Variants in STAM2 observed in about 807,000 individuals in gnomAD.
STAM2 encodes signal transducing adaptor molecule 2.
STAM2 carries 51 observed loss-of-function variants against 65.6 expected under a neutral mutation model. The ratio of observed to expected loss-of-function variants is 0.78; its 90% CI spans 0.62 to 0.98. The LOEUF (loss-of-function observed/expected upper bound fraction) is 0.98. Ranked by LOEUF, STAM2 falls within the 50% of genes least tolerant of loss-of-function variation. STAM2 has a pLI of 0.00. For synonymous variants in STAM2, 198 were observed against 208.4 expected, an observed-to-expected ratio of 0.95 and a Z score of 0.43; for missense variants, 584 against 617.8, an observed-to-expected ratio of 0.95 and a Z score of 0.58.
At chr2:152,135,140 C>G (rs1390306687) in intron 8 of STAM2, among the ~76,000 whole-genome samples, 1 of 152,208 alleles carries the variant, frequency 6.6e-6, no homozygotes, top group African/African-American at 2.4e-5. Context: ...CCACACCACT[C>G]CCGCTTTGCC....
intron 1 of STAM2, among the ~76,000 whole-genome samples, chr2:152,160,894 T>C (rs1238010732): frequency 2.0e-5 from 3 of 148,670 alleles, no homozygotes; most frequent in African/African-American, 2.5e-5. Context: ...GCCCCCCGCC[T>C]GGCCAGCCGC....
At chr2:152,143,731 T>C (rs1364235079) in intron 7 of STAM2, 96 bp downstream of exon 7, 5 of 969,930 alleles carry the variant, frequency 5.2e-6, no homozygotes, top group East Asian at 2.6e-5. Flanking sequence ...GGTTCTATTA[T>C]GATTTAAATA....
rs1249903230 is a variant in STAM2, at chr2:152,126,153, T to G, written c.1179+73A>C. 5.6e-6 allele frequency: 7 copies of G among 1,249,246 alleles called. No individual in the cohort carries two copies. In the African/African-American group the frequency reaches 1.1e-4, roughly 20 times the overall value. 77.4% of individuals were successfully genotyped at this position (1,249,246 alleles called of 1,614,324 possible). Reference sequence around the variant, plus strand: ...ACAGACAAAAGAAATCTTAATACTATGCTATAAAACATTTTCTTTTACTTT... The same window carrying G: ...ACAGACAAAAGAAATCTTAATACTAGGCTATAAAACATTTTCTTTTACTTT... On this transcript the variant is annotated intron_variant, in intron 12 of 13. Transcript: ENST00000263904.
intron 2 of STAM2, among the ~76,000 whole-genome samples, chr2:152,149,747 C>T (rs1297622631): frequency 6.6e-6 from 1 of 152,160 alleles, no homozygotes; most frequent in African/African-American, 2.4e-5. Flanking sequence ...ATCTGCTCGC[C>T]TCGGCCTCTC....
chr2:152,150,987 C>G (rs371170826), intron 1 of STAM2, among the ~76,000 whole-genome samples: 1 of 151,818 alleles, frequency 6.6e-6, no homozygotes, highest in East Asian at 1.9e-4. Flanking sequence ...GGCCACTGCA[C>G]CCAGCCTGAA....
chr2:152,145,077 G>A (rs1220847637), intron 5 of STAM2, 120 bp from the exon 6 acceptor site: 1 of 800,404 alleles, frequency 1.2e-6, no homozygotes, highest in Non-Finnish European at 2.1e-6. Context: ...ATTTAAAAGT[G>A]AAGTTCTTTT....
chr2:152,150,099 G>T, intron 2 of STAM2, 46 bp downstream of exon 2: 2 of 1,286,518 alleles, frequency 1.6e-6, no homozygotes, highest in South Asian at 2.4e-5. Flanking sequence ...AGAGACACTG[G>T]TTATCAAGTT....
intron 7 of STAM2, among the ~76,000 whole-genome samples, chr2:152,138,232 A>G (rs959405913): frequency 6.6e-6 from 1 of 152,178 alleles, no homozygotes; most frequent in African/African-American, 2.4e-5. Context: ...TATGTAAAAC[A>G]TAATATGTAA....
Position 152,121,942 on chromosome 2 carries a change from G to A in STAM2, c.1350-1140C>T, listed in dbSNP as rs189994885. On this transcript the variant is annotated intron_variant, in intron 13 of 13. Coordinates refer to ENST00000263904, the MANE Select transcript of STAM2 (RefSeq NM_005843.6). Reference sequence around the variant, plus strand: ...ACGCGCCTGTAGTCCCAGCTACTCAGGAGGCTGAGGCAAGAGAATGGCATG... The same window carrying A: ...ACGCGCCTGTAGTCCCAGCTACTCAAGAGGCTGAGGCAAGAGAATGGCATG... Among the ~76,000 whole-genome samples the A allele has an allele frequency of 1.6e-4, 25 of 152,026 alleles. No homozygotes were observed. The East Asian group carries it at 4.8e-3, about 29-fold the overall frequency.
rs764696047 is a variant in STAM2 at position 152,120,755 on chromosome 2, G to C, written c.1397C>G (p.Ser466Cys). 1 of 1,614,160 alleles carries C rather than the reference G, an allele frequency of 6.2e-7. No homozygotes were observed. Among genetic ancestry groups the C allele is most frequent in the South Asian group, 1.1e-5 (1 of 91,084 alleles). ...TGTACCAGTAGCTGACTGTAGGTTA[G>C]AGTTCTGGTTCATATAAGTAGGATT... ...VSNPTYMNQN[S>C]NLQSATGTTA... is the part of the protein sequence containing the mutation. The change falls in exon 14 of 14, where the codon TCT becomes TGT. Residue 466 changes from serine to cysteine, a missense_variant. Physicochemically the swap from Ser to Cys is moderately radical, Grantham distance 112. Coordinates refer to ENST00000263904, the MANE Select transcript of STAM2 (RefSeq NM_005843.6).
intron 11 of STAM2, 93 bp from the exon 12 acceptor site, chr2:152,126,472 T>A: frequency 2.6e-6 from 2 of 781,612 alleles, no homozygotes; most frequent in Non-Finnish European, 3.5e-6. Flanking sequence ...CAATTTCTAT[T>A]AATATATTAA....
chr2:152,171,087 A>G (rs1441514403), intron 1 of STAM2, among the ~76,000 whole-genome samples: 4 of 152,242 alleles, frequency 2.6e-5, no homozygotes, highest in African/African-American at 9.6e-5. Context: ...AATATATAGT[A>G]TATTTGTAAG....
chr2:152,152,891 G>T (rs1472306765), intron 1 of STAM2, among the ~76,000 whole-genome samples: 1 of 152,106 alleles, frequency 6.6e-6, no homozygotes, highest in African/African-American at 2.4e-5. Flanking sequence ...AAACTTGAGG[G>T]GGGCTCAAAA....
At chr2:152,146,209 T>C (rs1689334358) in intron 5 of STAM2, among the ~76,000 whole-genome samples, 1 of 144,294 alleles carries the variant, frequency 6.9e-6, no homozygotes, top group Admixed American at 7.3e-5. Context: ...AGACAGAGAT[T>C]GCAGTGAGCT....
At position 152,123,751 on chromosome 2, in the gene STAM2, G is replaced by C. The variant is rs145472941; in HGVS notation, c.1349+15C>G. Reference sequence around the variant, plus strand: ...AATTAACACATATAAAATTAACACAGCTCCCAAAACTTACCTTAAATATGA... The same window carrying C: ...AATTAACACATATAAAATTAACACACCTCCCAAAACTTACCTTAAATATGA... On this transcript the variant is annotated intron_variant, in intron 13 of 13. Transcript: ENST00000263904. The C allele has an allele frequency of 1.1e-3, 1,705 of 1,612,496 alleles. 18 individuals are homozygous for C. The African/African-American group carries it at 0.021, about 20-fold the overall frequency.
chr2:152,160,825 G>C (rs1285731685), intron 1 of STAM2, among the ~76,000 whole-genome samples: 3 of 142,826 alleles, frequency 2.1e-5, no homozygotes, highest in Non-Finnish European at 4.6e-5. Context: ...GGAAGGTGGT[G>C]GGGGGGTCAG....
intron 1 of STAM2, among the ~76,000 whole-genome samples, chr2:152,165,985 A>AT (rs1689776057): frequency 6.6e-6 from 1 of 152,132 alleles, no homozygotes; most frequent in Non-Finnish European, 1.5e-5. Context: ...GGCGGATTAC[A>AT]TAAGGCCAGG....
chr2:152,130,826 A>T (rs1183690516), intron 11 of STAM2, among the ~76,000 whole-genome samples: 1 of 151,250 alleles, frequency 6.6e-6, no homozygotes, highest in African/African-American at 2.4e-5. Flanking sequence ...GTGAAACCAC[A>T]TTTCTACTAA....
chr2:152,117,799 A>G lies in STAM2; in HGVS notation c.*2775T>C, dbSNP rs1688775961. ...TTTAAAATTGATTTTTTAAATTTTG[A>G]AAGTGAAATTATAACCATCTTCAAA... On this transcript the variant is annotated 3_prime_UTR_variant, in exon 14 of 14. Coordinates refer to ENST00000263904, the MANE Select transcript of STAM2 (RefSeq NM_005843.6). 1 of 152,152 alleles carries G rather than the reference A, an allele frequency of 6.6e-6. No individual in the cohort carries two copies. Among genetic ancestry groups the G allele is most frequent in the Admixed American group, 6.6e-5 (1 of 15,260 alleles). The allele number at this position is 152,152 out of a possible 1,614,324, so 9.4% of individuals were successfully genotyped here. A position where few individuals can be genotyped will look rare whatever the true frequency, so the allele number is the denominator to read the frequency against.
Sources: allele counts gnomAD v4.1 joint callset (sites outside exome capture counted in the v4.1 genomes callset), GRCh38; gene constraint gnomAD v4.1.1; transcripts MANE v1.5; gene names NCBI Gene and HGNC (gene_info 2026-07-23, HGNC 2026-07-21).